ANK3: variants seen among roughly 807,000 people sequenced by gnomAD.
ANK3 encodes ankyrin 3.
Under a neutral mutation model 370.9 loss-of-function variants are expected in ANK3, and 57 were observed. The observed-to-expected ratio is 0.15, with a 90% CI of 0.12 to 0.19. The LOEUF is 0.19. Ranked by LOEUF, ANK3 falls within the 10% of genes least tolerant of loss-of-function variation. The probability of loss-of-function intolerance (pLI) is 1.00; values close to 1 mark genes in which losing one functional copy is unlikely to be tolerated. For synonymous variants in ANK3, 1,929 were observed against 1,946.3 expected (o/e 0.99, Z 0.23); for missense variants, 4,439 against 5,302.1 (o/e 0.84, Z 5.06).
intron 1 of ANK3, among the ~76,000 whole-genome samples, chr10:60,339,615 C>T (rs2053793441): frequency 6.6e-6 from 1 of 152,144 alleles, no homozygotes; most frequent in African/African-American, 2.4e-5. Context: ...TTTTCTTTCT[C>T]TATAAAATGC....
intron 1 of ANK3, among the ~76,000 whole-genome samples, chr10:60,362,921 T>C (rs1223316555): frequency 6.6e-6 from 1 of 152,122 alleles, no homozygotes; most frequent in Non-Finnish European, 1.5e-5. Flanking sequence ...TTAGAGCTGG[T>C]CCTGGAGAGT....
At chr10:60,477,087 T>A (rs1015902522) in intron 2 of ANK3, among the ~76,000 whole-genome samples, 1 of 152,098 alleles carries the variant, frequency 6.6e-6, no homozygotes, top group Admixed American at 6.6e-5. Flanking sequence ...CAATTCTGCA[T>A]CCCACAGGAA....
intron 2 of ANK3, among the ~76,000 whole-genome samples, chr10:60,415,949 T>A (rs943145351): frequency 3.6e-4 from 42 of 118,244 alleles, no homozygotes; most frequent in Admixed American, 8.0e-4. Context: ...TGTGTTGACA[T>A]TCTACCCCTC....
chr10:60,243,924 G>C (rs1251958248), intron 7 of ANK3, among the ~76,000 whole-genome samples: 1 of 152,212 alleles, frequency 6.6e-6, no homozygotes, highest in African/African-American at 2.4e-5. Flanking sequence ...GAGCAGCTGA[G>C]AGGAATGGGA....
chr10:60,719,099 GT>G (rs2132022919), intron 1 of ANK3, among the ~76,000 whole-genome samples: 1 of 152,062 alleles, frequency 6.6e-6, no homozygotes, highest in Admixed American at 6.5e-5. Context: ...TTTGCTTTTT[GT>G]TTTGTTTTGT....
At position 60,072,414 on chromosome 10, in the gene ANK3, C is replaced by A; in HGVS notation, c.8467G>T (p.Asp2823Tyr). The stretch of plus-strand genomic sequence containing the variant: ...TTAGCCTGCTGCTCAGAAAAAGAGT[C>A]AGGCATTGCTTTACTTGACATTTCA... ...RTEMSSKAMP[D>Y]SFSEQQAKDL... Residue 2823 changes from aspartate (D) to tyrosine (Y), a missense_variant, in exon 37 of 44, where the codon GAC becomes TAC. By Grantham distance (160) the Asp-to-Tyr change is radical. Around this residue, in one of 13 missense-constraint regions of ANK3, gnomAD observed 1,601 missense variants for 1,731.7 expected, o/e 0.92. Coordinates refer to ENST00000280772, the MANE Select transcript of ANK3 (RefSeq NM_020987.5). The A allele has an allele frequency of 6.2e-7, 1 of 1,614,074 alleles. No homozygotes were observed. Among genetic ancestry groups the A allele is most frequent in the Non-Finnish European group, 8.5e-7 (1 of 1,179,998 alleles).
At chr10:60,185,548 A>C (rs2096302266) in intron 17 of ANK3, among the ~76,000 whole-genome samples, 1 of 152,190 alleles carries the variant, frequency 6.6e-6, no homozygotes, top group South Asian at 2.1e-4. Flanking sequence ...TGTTGAAAGT[A>C]TTTAAATTAC....
At chr10:60,141,584 T>TTTGC (rs2094569896) in intron 23 of ANK3, among the ~76,000 whole-genome samples, 1 of 147,858 alleles carries the variant, frequency 6.8e-6, no homozygotes, top group African/African-American at 2.6e-5. Flanking sequence ...TTTTTTTTTT[T>TTTGC]TTGCTTCCCT....
rs1591611155 is a variant in ANK3 at position 60,198,325 on chromosome 10, G to T, written c.1689+15C>A. 4 of 1,613,854 alleles carry T rather than the reference G, an allele frequency of 2.5e-6. No homozygotes were observed. The South Asian group carries it at 3.3e-5, about 13-fold the overall frequency. ...TTGGGGGGACAGAGCAGGATTCTGAGATTTGCTTTCATACCTTTGTTGTTA... is the reference window on the plus strand; with the variant it reads ...TTGGGGGGACAGAGCAGGATTCTGATATTTGCTTTCATACCTTTGTTGTTA... On this transcript the variant is annotated intron_variant, in intron 14 of 43. Transcript: ENST00000280772.
At chr10:60,152,147 T>C (rs936461987) in intron 23 of ANK3, among the ~76,000 whole-genome samples, 1 of 152,160 alleles carries the variant, frequency 6.6e-6, no homozygotes, top group Non-Finnish European at 1.5e-5. Flanking sequence ...CTAAGACCTA[T>C]GATAGACACC....
chr10:60,295,915 T>G (rs917652787), intron 1 of ANK3, among the ~76,000 whole-genome samples: 1 of 152,192 alleles, frequency 6.6e-6, no homozygotes, highest in Non-Finnish European at 1.5e-5. Context: ...ATCTCTTTAA[T>G]GTACGTATTG....
intron 26 of ANK3, among the ~76,000 whole-genome samples, chr10:60,110,772 T>G (rs2092649689): frequency 6.6e-6 from 1 of 152,150 alleles, no homozygotes; most frequent in African/African-American, 2.4e-5. Flanking sequence ...ACTACAAAAA[T>G]CAATTTTTCA....
intron 2 of ANK3, among the ~76,000 whole-genome samples, chr10:60,519,256 T>C (rs1359326276): frequency 1.3e-5 from 2 of 152,142 alleles, no homozygotes; most frequent in Non-Finnish European, 2.9e-5. Context: ...AGGCACTTAC[T>C]GGAACACAGA....
At chr10:60,702,780 T>G (rs1272126904) in intron 1 of ANK3, among the ~76,000 whole-genome samples, 8 of 152,316 alleles carry the variant, frequency 5.3e-5, no homozygotes, top group Admixed American at 5.2e-4. Flanking sequence ...TTTGTGGATC[T>G]GTGAATTTTT....
Position 60,705,684 on chromosome 10 carries a change from C to G in ANK3, c.57+27579G>C, listed in dbSNP as rs570348416. Among the ~76,000 whole-genome samples, 3 of 152,236 alleles carry G rather than the reference C, an allele frequency of 2.0e-5. No individual in the cohort carries two copies. In the South Asian group the frequency reaches 6.2e-4, roughly 32 times the overall value. ...AAACCCACTAAAACCCCCCTTCAAG[C>G]AAGCAGCATCTATCTGTACAAGCCC... On this transcript the variant is annotated intron_variant, in intron 1 of 43. Transcript: ENST00000373827.
chr10:60,674,470 C>G (rs899861403), intron 1 of ANK3, among the ~76,000 whole-genome samples: 1 of 152,024 alleles, frequency 6.6e-6, no homozygotes, highest in African/African-American at 2.4e-5. Flanking sequence ...TTTAAACAAC[C>G]AGATCTCACG....
At chr10:60,376,690 A>G (rs952788440) in intron 1 of ANK3, among the ~76,000 whole-genome samples, 1 of 152,200 alleles carries the variant, frequency 6.6e-6, no homozygotes, top group African/African-American at 2.4e-5. Flanking sequence ...GTGTAAACAC[A>G]TATTTTAAAT....
At chr10:60,227,780 C>T (rs1271451459) in intron 8 of ANK3, among the ~76,000 whole-genome samples, 9 of 152,036 alleles carry the variant, frequency 5.9e-5, no homozygotes, top group Admixed American at 2.6e-4. Context: ...TTCTTTCCCC[C>T]GCATTATACT....
At chr10:60,269,577 G>A (rs1347620540) in intron 5 of ANK3, among the ~76,000 whole-genome samples, 2 of 151,904 alleles carry the variant, frequency 1.3e-5, no homozygotes, top group African/African-American at 4.8e-5. Context: ...CCCGGGAGGC[G>A]GAGGTTGCAG....
Sources: gnomAD v4.1 joint callset for allele counts (sites outside exome capture counted in the v4.1 genomes callset) on GRCh38, gnomAD v4.1.1 for gene constraint, gnomAD v4.1.1 regional missense constraint, MANE v1.5 for transcripts, NCBI Gene and HGNC (gene_info 2026-07-23, HGNC 2026-07-21) for gene names.